GABRG3: variants seen among roughly 807,000 people sequenced by gnomAD.
GABRG3 encodes the protein gamma-aminobutyric acid type A receptor subunit gamma3.
Under a neutral mutation model 48.8 loss-of-function variants are expected in GABRG3, and 25 were observed. That is an observed-to-expected ratio of 0.51 (90% CI 0.37 to 0.72). The LOEUF (loss-of-function observed/expected upper bound fraction) is 0.72. Ranked by LOEUF, GABRG3 falls within the 30% of genes least tolerant of loss-of-function variation. GABRG3 has a pLI of 0.00. For synonymous variants in GABRG3, 227 were observed against 217.6 expected (o/e 1.04, Z -0.38); for missense variants, 394 against 577.9 (o/e 0.68, Z 3.26).
At chr15:27,292,327 T>A (rs1267017562) in intron 3 of GABRG3, among the ~76,000 whole-genome samples, 1 of 151,930 alleles carries the variant, frequency 6.6e-6, no homozygotes, top group Non-Finnish European at 1.5e-5. Context: ...ATACCTAATA[T>A]AGGCAACAGG....
At chr15:27,418,200 G>T (rs1021166608) in intron 5 of GABRG3, among the ~76,000 whole-genome samples, 1 of 152,216 alleles carries the variant, frequency 6.6e-6, no homozygotes, top group African/African-American at 2.4e-5. Flanking sequence ...TGAGCCCAGT[G>T]CTGGCTCCAA....
intron 5 of GABRG3, among the ~76,000 whole-genome samples, chr15:27,464,860 T>C (rs1353198803): frequency 6.6e-6 from 1 of 152,254 alleles, no homozygotes; most frequent in Non-Finnish European, 1.5e-5. Flanking sequence ...GGTGAAAATA[T>C]CTTATCAGAT....
At chr15:27,522,868 T>C (rs980755223) in intron 7 of GABRG3, among the ~76,000 whole-genome samples, 2 of 151,940 alleles carry the variant, frequency 1.3e-5, no homozygotes, top group African/African-American at 4.8e-5. Flanking sequence ...TATTTAAATA[T>C]ACTTCTATCA....
intron 3 of GABRG3, among the ~76,000 whole-genome samples, chr15:27,068,506 A>G (rs1168467962): frequency 2.6e-5 from 4 of 152,380 alleles, no homozygotes; most frequent in Non-Finnish European, 5.9e-5. Context: ...TGCAGAAACA[A>G]GAAGGAAACT....
At chr15:27,375,503 C>T (rs1002686626) in intron 5 of GABRG3, among the ~76,000 whole-genome samples, 2 of 152,150 alleles carry the variant, frequency 1.3e-5, no homozygotes, top group Non-Finnish European at 2.9e-5. Flanking sequence ...TGTATTAGTC[C>T]ATTTTTATGC....
chr15:27,221,184 A>G (rs1280545238), intron 3 of GABRG3, among the ~76,000 whole-genome samples: 3 of 152,150 alleles, frequency 2.0e-5, no homozygotes, highest in African/African-American at 4.8e-5. Flanking sequence ...CGACCTGTTC[A>G]GAGAGACAGA....
At chr15:27,157,037 C>T (rs1212268258) in intron 3 of GABRG3, among the ~76,000 whole-genome samples, 1 of 152,068 alleles carries the variant, frequency 6.6e-6, no homozygotes, top group Non-Finnish European at 1.5e-5. Context: ...GCCCCAAGTC[C>T]AACAGAGAAA....
At chr15:27,330,140 T>C (rs770737504) in intron 5 of GABRG3, among the ~76,000 whole-genome samples, 34 of 152,278 alleles carry the variant, frequency 2.2e-4, no homozygotes, top group Non-Finnish European at 4.7e-4. Flanking sequence ...CTTGGGAGGC[T>C]GAGGCAGGAG....
intron 5 of GABRG3, among the ~76,000 whole-genome samples, chr15:27,479,930 C>G (rs1193392419): frequency 6.6e-6 from 1 of 152,210 alleles, no homozygotes; most frequent in Non-Finnish European, 1.5e-5. Context: ...AGTACAGTTG[C>G]AGGTAGAAAA....
At chr15:27,488,952 C>T (rs1338211039) in intron 6 of GABRG3, among the ~76,000 whole-genome samples, 1 of 152,120 alleles carries the variant, frequency 6.6e-6, no homozygotes, top group Non-Finnish European at 1.5e-5. Context: ...CATAGGTATA[C>T]ACGTGCCATG....
At chr15:27,290,122 T>C (rs146344922) in intron 3 of GABRG3, among the ~76,000 whole-genome samples, 140 of 152,212 alleles carry the variant, frequency 9.2e-4, no homozygotes, top group African/African-American at 3.3e-3. Context: ...TGGAGGTATG[T>C]CGGAGCCAGC....
intron 5 of GABRG3, among the ~76,000 whole-genome samples, chr15:27,375,078 A>G (rs765538580): frequency 1.2e-4 from 18 of 152,130 alleles, no homozygotes; most frequent in African/African-American, 3.4e-4. Context: ...GGGGAATTCA[A>G]TGGGCCTGAA....
intron 6 of GABRG3, among the ~76,000 whole-genome samples, chr15:27,506,274 T>A (rs1890758513): frequency 6.6e-6 from 1 of 152,216 alleles, no homozygotes; most frequent in Admixed American, 6.5e-5. Flanking sequence ...TATGAGACAG[T>A]TGAATTTAAG....
In GABRG3 at chr15:27,070,908, AC is replaced by A. The variant is rs549236852; in HGVS notation, c.270+44090del. On this transcript the variant is annotated intron_variant, in intron 3 of 9. Transcript: ENST00000615808. ...TCAGAGCCTCCCTGTGGCTGGCTGA[AC>A]CCAGCTCCGCTTTGCAGGTGCAGAC... Among the ~76,000 whole-genome samples the A allele has an allele frequency of 1.3e-4, 20 of 152,290 alleles. No homozygotes were observed. In the East Asian group the frequency reaches 3.9e-3, roughly 29 times the overall value.
chr15:27,307,925 A>T (rs973412950), intron 3 of GABRG3, among the ~76,000 whole-genome samples: 1 of 136,692 alleles, frequency 7.3e-6, no homozygotes, highest in Non-Finnish European at 1.6e-5. Flanking sequence ...ATATATAAAC[A>T]TATGCTTGTA....
chr15:27,099,188 G>A (rs989615086), intron 3 of GABRG3, among the ~76,000 whole-genome samples: 1 of 152,184 alleles, frequency 6.6e-6, no homozygotes, highest in East Asian at 1.9e-4. Flanking sequence ...GACAGTAAAA[G>A]GACCTAAATG....
chr15:27,400,344 A>AT (rs1452612879), intron 5 of GABRG3, among the ~76,000 whole-genome samples: 1 of 152,156 alleles, frequency 6.6e-6, no homozygotes, highest in Non-Finnish European at 1.5e-5. Context: ...TTTTGTATTT[A>AT]TTTTGCCATG....
chr15:27,454,977 A>G (rs531136143), intron 5 of GABRG3, among the ~76,000 whole-genome samples: 33 of 152,360 alleles, frequency 2.2e-4, no homozygotes, highest in Admixed American at 7.8e-4. Context: ...AGTTAGCTCT[A>G]CGTGCATTCG....
intron 5 of GABRG3, among the ~76,000 whole-genome samples, chr15:27,345,331 C>T (rs922901671): frequency 4.6e-5 from 7 of 152,302 alleles, no homozygotes; most frequent in Non-Finnish European, 1.0e-4. Flanking sequence ...TTCAACTTCT[C>T]TCTTTGCACA....
Sources: allele counts gnomAD v4.1 joint callset (sites outside exome capture counted in the v4.1 genomes callset), GRCh38; gene constraint gnomAD v4.1.1; transcripts MANE v1.5; gene names NCBI Gene and HGNC (gene_info 2026-07-23, HGNC 2026-07-21).